Variants in DSCAM observed in about 807,000 individuals in gnomAD.
DSCAM encodes the protein DS cell adhesion molecule.
A neutral mutation model predicts 217.7 loss-of-function variants in DSCAM; 47 were observed. That is an observed-to-expected ratio of 0.22 (90% CI 0.17 to 0.28). DSCAM has a LOEUF of 0.28. Ranked by LOEUF, DSCAM falls within the 10% of genes least tolerant of loss-of-function variation. DSCAM has a pLI of 1.00. For missense variants in DSCAM, 2,080 were observed against 2,618.3 expected, an observed-to-expected ratio of 0.79 and a Z score of 4.49; for synonymous variants, 1,056 against 1,015.3, an observed-to-expected ratio of 1.04 and a Z score of -0.76.
At chr21:40,651,090 T>C (rs1251214645) in intron 3 of DSCAM, among the ~76,000 whole-genome samples, 2 of 152,136 alleles carry the variant, frequency 1.3e-5, no homozygotes, top group African/African-American at 2.4e-5. Flanking sequence ...TGAAACACTA[T>C]GGCTAGGATT....
chr21:40,632,331 C>T (rs1345541711), intron 3 of DSCAM, among the ~76,000 whole-genome samples: 1 of 119,860 alleles, frequency 8.3e-6, no homozygotes, highest in Admixed American at 1.3e-4. Context: ...TAGAGAAAGT[C>T]GTTTACAAGA....
chr21:40,020,303 C>A (rs745518224), intron 32 of DSCAM, among the ~76,000 whole-genome samples: 4 of 152,210 alleles, frequency 2.6e-5, no homozygotes, highest in Non-Finnish European at 2.9e-5. Flanking sequence ...CATTAAATCT[C>A]TTCTTTATAA....
intron 3 of DSCAM, among the ~76,000 whole-genome samples, chr21:40,468,441 T>C (rs537326064): frequency 2.0e-5 from 3 of 152,214 alleles, no homozygotes; most frequent in African/African-American, 7.2e-5. Flanking sequence ...CAGAGACTTA[T>C]AATATTTCAG....
At chr21:40,514,958 C>G (rs1355950231) in intron 3 of DSCAM, among the ~76,000 whole-genome samples, 1 of 152,104 alleles carries the variant, frequency 6.6e-6, no homozygotes, top group Admixed American at 6.6e-5. Context: ...ACTAATGCAG[C>G]CTATAGCTTG....
At chr21:40,176,879 A>T (rs1336308641) in intron 15 of DSCAM, among the ~76,000 whole-genome samples, 3 of 152,206 alleles carry the variant, frequency 2.0e-5, no homozygotes. Context: ...GCAGGGAGAG[A>T]GCTGCTTCCA....
chr21:40,521,591 G>C (rs2076359644), intron 3 of DSCAM, among the ~76,000 whole-genome samples: 1 of 151,812 alleles, frequency 6.6e-6, no homozygotes, highest in Non-Finnish European at 1.5e-5. Flanking sequence ...TTTTGCTGTT[G>C]ACCTGTTTGA....
chr21:40,407,303 AC>A (rs2123788427), intron 3 of DSCAM, among the ~76,000 whole-genome samples: 1 of 152,312 alleles, frequency 6.6e-6, no homozygotes, highest in Admixed American at 6.5e-5. Context: ...GTCCACTAAA[AC>A]TAAATTTTAA....
chr21:40,354,828 G>A (rs1167482130), intron 4 of DSCAM, among the ~76,000 whole-genome samples: 2 of 121,060 alleles, frequency 1.7e-5, no homozygotes, highest in African/African-American at 3.6e-5. Flanking sequence ...CGGCCTGGGT[G>A]AAAGAGAGAA....
At chr21:40,800,920 T>C (rs2091734647) in intron 1 of DSCAM, among the ~76,000 whole-genome samples, 1 of 151,550 alleles carries the variant, frequency 6.6e-6, no homozygotes, top group Admixed American at 6.6e-5. Flanking sequence ...TTCACTATGT[T>C]GGTCAGGCTG....
At chr21:40,021,737 CTCTCTT>C (rs760957429) in intron 32 of DSCAM, among the ~76,000 whole-genome samples, 2 of 152,194 alleles carry the variant, frequency 1.3e-5, no homozygotes, top group Non-Finnish European at 2.9e-5. Context: ...ATTGATTTCT[CTCTCTT>C]TCTCTAACCA....
intron 32 of DSCAM, among the ~76,000 whole-genome samples, chr21:40,029,423 GTTGT>G (rs2088474732): frequency 1.6e-5 from 2 of 122,528 alleles, no homozygotes; most frequent in South Asian, 4.9e-4. Context: ...TGCATTTGAG[GTTGT>G]TTTTTTTTTT....
chr21:40,309,576 G>A (rs1474148293), intron 9 of DSCAM, among the ~76,000 whole-genome samples: 1 of 151,986 alleles, frequency 6.6e-6, no homozygotes, highest in African/African-American at 2.4e-5. Flanking sequence ...CCATATCATT[G>A]ACCATTATTC....
intron 5 of DSCAM, 27 bp downstream of exon 5, chr21:40,353,438 A>C (rs2074655465): frequency 6.3e-7 from 1 of 1,588,936 alleles, no homozygotes. Flanking sequence ...AGCCAACACC[A>C]CCTTTGCAAG....
intron 1 of DSCAM, among the ~76,000 whole-genome samples, chr21:40,777,107 G>T (rs1371008237): frequency 1.3e-5 from 2 of 152,052 alleles, no homozygotes; most frequent in African/African-American, 4.8e-5. Flanking sequence ...CAAGGCACTG[G>T]CAGGTTCAGT....
chr21:40,739,388 C>A (rs1410474999), intron 1 of DSCAM, among the ~76,000 whole-genome samples: 1 of 152,216 alleles, frequency 6.6e-6, no homozygotes, highest in African/African-American at 2.4e-5. Context: ...GCTGCCATAA[C>A]AAAGCACTAC....
intron 6 of DSCAM, among the ~76,000 whole-genome samples, chr21:40,341,481 G>C (rs910410040): frequency 2.0e-5 from 3 of 152,116 alleles, no homozygotes; most frequent in Admixed American, 6.5e-5. Context: ...GAAATATACA[G>C]ATCTTAAGTG....
chr21:40,083,881 T>C (rs749718913), intron 24 of DSCAM, 27 bp downstream of exon 24: 2 of 1,569,692 alleles, frequency 1.3e-6, no homozygotes, highest in Admixed American at 3.6e-5. Flanking sequence ...ACTAATCAAC[T>C]ATTGTGGACA....
At chr21:40,476,341 G>A (rs1299391944) in intron 3 of DSCAM, among the ~76,000 whole-genome samples, 1 of 152,162 alleles carries the variant, frequency 6.6e-6, no homozygotes, top group Non-Finnish European at 1.5e-5. Context: ...ACTTTCCTGA[G>A]CCTCAGTTTA....
chr21:40,039,501 C>T (rs1476901654), intron 32 of DSCAM, among the ~76,000 whole-genome samples: 1 of 152,100 alleles, frequency 6.6e-6, no homozygotes, highest in Non-Finnish European at 1.5e-5. Flanking sequence ...GAAGCATCTA[C>T]TAATGTGCCA....
Sources: gnomAD v4.1 joint callset for allele counts (sites outside exome capture counted in the v4.1 genomes callset) on GRCh38, gnomAD v4.1.1 for gene constraint, MANE v1.5 for transcripts, NCBI Gene and HGNC (gene_info 2026-07-23, HGNC 2026-07-21) for gene names.